The following CHD2 variants were observed in gnomAD, a reference collection of about 807,000 sequenced individuals.
The protein encoded by CHD2 is ATP-dependent chromatin remodeler CHD2.
CHD2 carries 28 observed loss-of-function variants against 243.9 expected under a neutral mutation model. The ratio of observed to expected loss-of-function variants is 0.11; its 90% CI spans 0.09 to 0.16. The LOEUF is 0.16. Ranked by LOEUF, CHD2 falls within the 10% of genes least tolerant of loss-of-function variation. CHD2 has a pLI of 1.00. For synonymous variants in CHD2, 775 were observed against 779.0 expected, an observed-to-expected ratio of 0.99 and a Z score of 0.09; for missense variants, 1,386 against 2,209.8, an observed-to-expected ratio of 0.63 and a Z score of 7.47.
Position 92,981,449 on chromosome 15 carries a change from C to A in CHD2, c.3058C>A (p.Gln1020Lys). 1 of 1,612,126 alleles carries A rather than the reference C, an allele frequency of 6.2e-7. No homozygotes were observed. The highest frequency in any genetic ancestry group is 8.5e-7 in the Non-Finnish European group (1 of 1,178,336). The change falls in exon 24 of 39, where the codon CAG becomes AAG. Residue 1020 changes from glutamine (Q) to lysine (K), a missense_variant. By Grantham distance (53) the Gln-to-Lys change is moderately conservative (BLOSUM62 1). Coordinates refer to ENST00000394196, the MANE Select transcript of CHD2 (RefSeq NM_001271.4). ...AAGTGCAACAGATGAACTTCTATCACAGTTTAAGGTATGAAGATCTTTGTG... is the reference window on the plus strand; with the variant it reads ...AAGTGCAACAGATGAACTTCTATCAAAGTTTAAGGTATGAAGATCTTTGTG... ...STSATDELLS[Q>K]FKVANFATME...
chr15:92,999,815 T>C (rs552185248), intron 31 of CHD2, among the ~76,000 whole-genome samples: 7 of 152,364 alleles, frequency 4.6e-5, no homozygotes, highest in African/African-American at 1.7e-4. Context: ...TTATTATATG[T>C]AACTTGCTTT....
intron 7 of CHD2, among the ~76,000 whole-genome samples, chr15:92,940,777 A>T (rs2053349525): frequency 1.4e-5 from 2 of 142,440 alleles, no homozygotes; most frequent in East Asian, 2.0e-4. Context: ...ATATATAAAA[A>T]ATATAAAAAA....
chr15:93,024,640 C>T lies in CHD2; in HGVS notation c.5422C>T (p.Pro1808Ser). ...DSKSPLDHRS[P>S]LERSLEQKNN... ...CAAGTCACCCCTGGATCATAGGTCT[C>T]CTTTGGAGAGATCACTAGAACAGAA... Residue 1808 changes from proline to serine, a missense_variant, in exon 39 of 39, where the codon CCT becomes TCT. By Grantham distance (74) the Pro-to-Ser change is moderately conservative. Around this residue, in one of 19 missense-constraint regions of CHD2, gnomAD observed 347 missense variants for 341.6 expected, o/e 1.02. Transcript: ENST00000394196. 1 of 1,614,128 alleles carries T rather than the reference C, an allele frequency of 6.2e-7. No homozygotes were observed. Among genetic ancestry groups the T allele is most frequent in the Non-Finnish European group, 8.5e-7 (1 of 1,180,000 alleles).
At chr15:92,980,755 T>C (rs1269460885) in intron 22 of CHD2, 60 bp from the exon 23 acceptor site, 10 of 1,187,018 alleles carry the variant, frequency 8.4e-6, no homozygotes, top group African/African-American at 7.7e-5. Flanking sequence ...ATAGTTATTC[T>C]GAAGTAGAAC....
chr15:92,989,680 G>C (rs1201006352), intron 26 of CHD2, among the ~76,000 whole-genome samples: 1 of 152,202 alleles, frequency 6.6e-6, no homozygotes. Context: ...TGCTCTGGAA[G>C]GCAATTGACA....
At chr15:92,949,169 T>G in intron 13 of CHD2, 93 bp downstream of exon 13, 1 of 1,561,220 alleles carries the variant, frequency 6.4e-7, no homozygotes, top group South Asian at 1.2e-5. Flanking sequence ...TTTCACACCC[T>G]TATTGTATCT....
intron 2 of CHD2, among the ~76,000 whole-genome samples, chr15:92,913,376 G>T (rs1301550187): frequency 6.6e-6 from 1 of 152,148 alleles, no homozygotes; most frequent in African/African-American, 2.4e-5. Flanking sequence ...ATACTTCTAG[G>T]CAGTGGTCTT....
chr15:92,944,993 G>A (rs1166659848), intron 10 of CHD2: 2 of 152,278 alleles, frequency 1.3e-5, no homozygotes, highest in Non-Finnish European at 2.9e-5. Context: ...CAGAAATAGA[G>A]TATCACGTGG....
chr15:92,925,841 T>C (rs1017416082), intron 3 of CHD2, among the ~76,000 whole-genome samples: 4 of 152,364 alleles, frequency 2.6e-5, no homozygotes, highest in Admixed American at 2.6e-4. Context: ...ATTCTAGTTG[T>C]AAAATGCCTA....
At chr15:92,982,286 CT>C (rs2053989569) in intron 24 of CHD2, among the ~76,000 whole-genome samples, 1 of 152,134 alleles carries the variant, frequency 6.6e-6, no homozygotes, top group African/African-American at 2.4e-5. Context: ...AATTTATGCT[CT>C]TAATGACTAG....
intron 2 of CHD2, among the ~76,000 whole-genome samples, chr15:92,923,895 T>G (rs2053008413): frequency 6.6e-6 from 1 of 152,110 alleles, no homozygotes; most frequent in Non-Finnish European, 1.5e-5. Context: ...GTGTTTTGTT[T>G]TTTTCTTGTT....
intron 2 of CHD2, chr15:92,904,517 G>A (rs111735136): frequency 1.0e-6 from 1 of 996,222 alleles, no homozygotes; most frequent in Non-Finnish European, 1.2e-6. Flanking sequence ...CTCTAGTTGG[G>A]ACTTTCCGGT....
chr15:92,958,551 A>G (rs2053645058), intron 16 of CHD2, among the ~76,000 whole-genome samples: 1 of 152,216 alleles, frequency 6.6e-6, no homozygotes, highest in African/African-American at 2.4e-5. Flanking sequence ...AACCTCTATC[A>G]TAAATGGGTT....
chr15:92,917,595 G>C (rs2141729653), intron 2 of CHD2, among the ~76,000 whole-genome samples: 1 of 152,242 alleles, frequency 6.6e-6, no homozygotes, highest in East Asian at 1.9e-4. Context: ...AAAAAGGTGT[G>C]ACCAGTCAGT....
At chr15:92,908,385 C>T (rs1358291562) in intron 2 of CHD2, among the ~76,000 whole-genome samples, 1 of 152,170 alleles carries the variant, frequency 6.6e-6, no homozygotes, top group Non-Finnish European at 1.5e-5. Context: ...AAACTATAGT[C>T]TTAAGATTTG....
chr15:93,009,243 C>T lies in CHD2; in HGVS notation c.4512C>T (p.Asn1504=), dbSNP rs750989875. ...NVQEQLEHTR[N]CLLKIGDRIA... is the part of the protein sequence containing the mutation. Reference sequence around the variant, plus strand: ...AAGAACAGCTGGAACACACCCGGAACTGCCTGCTGAAAATCGGAGACCGGA... The same window carrying T: ...AAGAACAGCTGGAACACACCCGGAATTGCCTGCTGAAAATCGGAGACCGGA... Residue 1504 remains asparagine, a synonymous_variant, in exon 35 of 39, where the codon AAC becomes AAT. Transcript: ENST00000394196. The T allele has an allele frequency of 5.6e-6, 9 of 1,614,118 alleles. No homozygotes were observed. The highest frequency in any genetic ancestry group is 8.5e-7 in the Non-Finnish European group (1 of 1,180,044).
rs117844037 is a variant in CHD2 at position 92,939,634 on chromosome 15, A to G, written c.608A>G (p.Lys203Arg). 3.6e-3 allele frequency: 5,791 copies of G among 1,614,170 alleles called. 14 individuals carry two copies. Among genetic ancestry groups the G allele is most frequent in the Non-Finnish European group, 4.5e-3 (5,319 of 1,180,016 alleles). The change falls in exon 7 of 39, where the codon AAA becomes AGA. Residue 203 changes from lysine to arginine, a missense_variant. Physicochemically the swap from Lys to Arg is conservative, Grantham distance 26. This residue lies in a region of CHD2 where 90 missense variants were observed against 78.0 expected (regional missense o/e 1.15). Coordinates refer to ENST00000394196, the MANE Select transcript of CHD2 (RefSeq NM_001271.4). ...CCGAAGACTCAGCGTGGAAAGAGAA[A>G]AAAGCAAGATTCTTCTGATGAGGAT... The part of the protein sequence containing the change: ...KQPKTQRGKR[K>R]KQDSSDEDDD...
rs150583797 is a variant in CHD2 at position 92,997,040 on chromosome 15, G to A, written c.3679G>A (p.Glu1227Lys). The A allele has an allele frequency of 2.5e-6, 4 of 1,613,878 alleles. No individual in the cohort carries two copies. The highest frequency in any genetic ancestry group is 3.4e-6 in the Non-Finnish European group (4 of 1,179,946). Reference sequence around the variant, plus strand: ...TGTGAAATCCATTATCCAACATGAAGAGGAGTTTGAGATGCTGCATAAATC... The same window carrying A: ...TGTGAAATCCATTATCCAACATGAAAAGGAGTTTGAGATGCTGCATAAATC... The part of the protein sequence containing the change: ...VNVKSIIQHE[E>K]EFEMLHKSIP... Residue 1227 changes from glutamate to lysine, a missense_variant, in exon 29 of 39, where the codon GAG becomes AAG. Physicochemically the swap from Glu to Lys is moderately conservative, Grantham distance 56. Coordinates refer to ENST00000394196, the MANE Select transcript of CHD2 (RefSeq NM_001271.4). The surrounding 1 kb of genome is among the most constrained non-coding windows in gnomAD (Gnocchi z 4.1).
chr15:93,001,086 C>G (rs2054249634), intron 32 of CHD2, among the ~76,000 whole-genome samples: 1 of 152,072 alleles, frequency 6.6e-6, no homozygotes, highest in East Asian at 1.9e-4. Context: ...CCAGGCTGGT[C>G]TCAAAACTCC....
Sources: gnomAD v4.1 joint callset for allele counts (sites outside exome capture counted in the v4.1 genomes callset) on GRCh38, gnomAD v4.1.1 for gene constraint, gnomAD v4.1.1 regional missense constraint, Gnocchi (gnomAD v3.1) non-coding constraint, MANE v1.5 for transcripts, NCBI Gene and HGNC (gene_info 2026-07-23, HGNC 2026-07-21) for gene names.